Variants in CSMD1 observed in about 807,000 individuals in gnomAD.
CSMD1 encodes the protein CUB and sushi domain-containing protein 1.
Under a neutral mutation model 417.5 loss-of-function variants are expected in CSMD1, and 213 were observed. The observed-to-expected ratio is 0.51, with a 90% CI of 0.46 to 0.57. The LOEUF (loss-of-function observed/expected upper bound fraction) is 0.57. Among genes scored for constraint, CSMD1 ranks in the 20% least tolerant of loss-of-function variants. The pLI, the probability that CSMD1 is intolerant of heterozygous loss-of-function variation, is 0.00. For synonymous variants in CSMD1, 2,862 were observed against 1,736.8 expected, an observed-to-expected ratio of 1.65 and a Z score of -16.11; for missense variants, 6,923 against 4,529.7, an observed-to-expected ratio of 1.53 and a Z score of -15.17.
intron 2 of CSMD1, among the ~76,000 whole-genome samples, chr8:4,484,611 C>T (rs1384681635): frequency 2.0e-5 from 3 of 152,000 alleles, no homozygotes; most frequent in African/African-American, 4.8e-5. Flanking sequence ...GCTGACGTGA[C>T]CTGCTCTATG....
At position 3,584,031 on chromosome 8, in the gene CSMD1, C is replaced by A. The variant is rs114254666; in HGVS notation, c.1222+2105G>T. On this transcript the variant is annotated intron_variant, in intron 9 of 69. Coordinates refer to ENST00000635120, the MANE Select transcript of CSMD1 (RefSeq NM_033225.6). ...AAACCCATCCACTATAAAAACACCT[C>A]CTTAGGAATTATTTCCAGCAGTATA... 7.8e-3 allele frequency among the ~76,000 whole-genome samples: 1,185 copies of A among 152,122 alleles called. 20 individuals carry two copies. Among genetic ancestry groups the A allele is most frequent in the African/African-American group, 0.027 (1,134 of 41,482 alleles).
chr8:4,522,171 G>C (rs1360551124), intron 2 of CSMD1, among the ~76,000 whole-genome samples: 1 of 152,088 alleles, frequency 6.6e-6, no homozygotes, highest in Admixed American at 6.6e-5. Context: ...TCTCGTGATA[G>C]TGAATGAGTC....
At chr8:4,602,394 G>T (rs538613032) in intron 2 of CSMD1, among the ~76,000 whole-genome samples, 253 of 152,222 alleles carry the variant, frequency 1.7e-3, no homozygotes, top group African/African-American at 6.0e-3. Flanking sequence ...CTATTAATTT[G>T]CTGGTCCAAG....
At chr8:3,231,730 G>A (rs1212585477) in intron 26 of CSMD1, among the ~76,000 whole-genome samples, 1 of 152,148 alleles carries the variant, frequency 6.6e-6, no homozygotes, top group Non-Finnish European at 1.5e-5. Flanking sequence ...ATATGATACA[G>A]ACATCAAGGA....
At chr8:4,380,930 T>C (rs1202729120) in intron 3 of CSMD1, among the ~76,000 whole-genome samples, 1 of 152,178 alleles carries the variant, frequency 6.6e-6, no homozygotes, top group Non-Finnish European at 1.5e-5. Flanking sequence ...AGATATTCTA[T>C]CCACAACTGA....
At chr8:4,672,276 G>A (rs1206411130) in intron 1 of CSMD1, among the ~76,000 whole-genome samples, 1 of 152,118 alleles carries the variant, frequency 6.6e-6, no homozygotes, top group Non-Finnish European at 1.5e-5. Flanking sequence ...TTGATCTCTT[G>A]TGCTCTCCCA....
At chr8:3,384,213 G>A (rs73173168) in intron 18 of CSMD1, among the ~76,000 whole-genome samples, 4 of 151,706 alleles carry the variant, frequency 2.6e-5, no homozygotes, top group African/African-American at 4.8e-5. Context: ...TTTAAAAAAT[G>A]GTTGTCTGAG....
At chr8:3,955,071 C>T (rs989764191) in intron 5 of CSMD1, among the ~76,000 whole-genome samples, 1 of 152,162 alleles carries the variant, frequency 6.6e-6, no homozygotes, top group South Asian at 2.1e-4. Flanking sequence ...AATTATGAAC[C>T]ATCACCTGAC....
At chr8:4,234,789 G>A (rs568433652) in intron 3 of CSMD1, among the ~76,000 whole-genome samples, 23 of 152,268 alleles carry the variant, frequency 1.5e-4, no homozygotes, top group South Asian at 4.1e-4. Flanking sequence ...CTTGCCCCCA[G>A]ATAATCATGA....
chr8:4,088,175 G>A (rs568706450), intron 3 of CSMD1, among the ~76,000 whole-genome samples: 5 of 152,128 alleles, frequency 3.3e-5, no homozygotes, highest in Admixed American at 6.5e-5. Flanking sequence ...TATTCTTCCC[G>A]TTGTTTTTAA....
intron 40 of CSMD1, among the ~76,000 whole-genome samples, chr8:3,148,344 C>A (rs2129034394): frequency 6.6e-6 from 1 of 152,206 alleles, no homozygotes; most frequent in South Asian, 2.1e-4. Flanking sequence ...TCTTATGATT[C>A]CGGAGATTCT....
intron 28 of CSMD1, among the ~76,000 whole-genome samples, chr8:3,223,025 A>T (rs1045009967): frequency 5.9e-5 from 9 of 152,224 alleles, no homozygotes; most frequent in African/African-American, 2.2e-4. Context: ...AGTCTACAGA[A>T]TGACTCACCT....
intron 3 of CSMD1, among the ~76,000 whole-genome samples, chr8:4,191,836 AG>A (rs1799051306): frequency 6.6e-6 from 1 of 152,052 alleles, no homozygotes; most frequent in South Asian, 2.1e-4. Context: ...AATATGAGTC[AG>A]CAAAATCAAC....
chr8:4,922,934 G>C (rs866796104), intron 1 of CSMD1, among the ~76,000 whole-genome samples: 2 of 152,028 alleles, frequency 1.3e-5, no homozygotes, highest in Non-Finnish European at 2.9e-5. Context: ...CCTAGTCTTG[G>C]TGTATATGCA....
chr8:3,831,692 T>C (rs1330327386), intron 5 of CSMD1, among the ~76,000 whole-genome samples: 1 of 152,170 alleles, frequency 6.6e-6, no homozygotes, highest in African/African-American at 2.4e-5. Flanking sequence ...GATATATGTT[T>C]GGAATGCCAA....
At chr8:3,147,874 G>C (rs577694120) in intron 40 of CSMD1, among the ~76,000 whole-genome samples, 1 of 152,300 alleles carries the variant, frequency 6.6e-6, no homozygotes, top group African/African-American at 2.4e-5. Context: ...GGAGGAGCTG[G>C]TTAACTGGTT....
At chr8:3,815,555 T>C (rs550123379) in intron 5 of CSMD1, among the ~76,000 whole-genome samples, 1 of 152,056 alleles carries the variant, frequency 6.6e-6, no homozygotes, top group Non-Finnish European at 1.5e-5. Flanking sequence ...AACTGTGCTT[T>C]TGAAAAAATA....
intron 46 of CSMD1, 47 bp downstream of exon 46, chr8:3,106,481 T>C (rs10503192): frequency 0.8 from 911,338 of 1,137,324 alleles, 367,962 homozygotes; most frequent in East Asian, 0.97. Context: ...AATACAATTT[T>C]CCATGTTGAA....
rs78950809 is a variant in CSMD1, at chr8:4,120,367, T to A, written c.416-88268A>T. On this transcript the variant is annotated intron_variant, in intron 3 of 69. Transcript: ENST00000635120. ...AGATTATTTTATAAAATCAGATTCT[T>A]ACTTAGACTAATGCCAACATGCTGA... Among the ~76,000 whole-genome samples the A allele has an allele frequency of 5.8e-3, 877 of 152,348 alleles. 13 individuals are homozygous for A. The highest frequency in any genetic ancestry group is 0.018 in the African/African-American group (763 of 41,568).
Sources: allele counts gnomAD v4.1 joint callset (sites outside exome capture counted in the v4.1 genomes callset), GRCh38; gene constraint gnomAD v4.1.1; transcripts MANE v1.5; gene names NCBI Gene and HGNC (gene_info 2026-07-23, HGNC 2026-07-21).